The following ROBO2 variants were observed in gnomAD, a reference collection of about 807,000 sequenced individuals.
The protein encoded by ROBO2 is roundabout homolog 2.
A neutral mutation model predicts 160.8 loss-of-function variants in ROBO2; 53 were observed. That is an observed-to-expected ratio of 0.33 (90% CI 0.26 to 0.41). The LOEUF (loss-of-function observed/expected upper bound fraction) is 0.41. ROBO2 is among the 10% of genes least tolerant of loss of function. ROBO2 has a pLI of 1.00. For synonymous variants in ROBO2, 664 were observed against 611.7 expected, an observed-to-expected ratio of 1.09 and a Z score of -1.26; for missense variants, 1,577 against 1,722.4, an observed-to-expected ratio of 0.92 and a Z score of 1.49.
At chr3:76,689,802 C>G (rs1288591626) in intron 2 of ROBO2, among the ~76,000 whole-genome samples, 1 of 152,068 alleles carries the variant, frequency 6.6e-6, no homozygotes, top group South Asian at 2.1e-4. Flanking sequence ...TCCTCTTTGC[C>G]CATCCAGTTC....
chr3:75,933,033 A>C (rs112708887), intron 1 of ROBO2, among the ~76,000 whole-genome samples: 24 of 152,342 alleles, frequency 1.6e-4, no homozygotes, highest in African/African-American at 4.1e-4. Flanking sequence ...GTTTAGACTG[A>C]GATAAGCCCT....
At chr3:76,719,799 G>A (rs1004921732) in intron 2 of ROBO2, among the ~76,000 whole-genome samples, 50 of 151,342 alleles carry the variant, frequency 3.3e-4, no homozygotes, top group African/African-American at 1.2e-3. Flanking sequence ...CACGAGAATC[G>A]CTTGAACCTG....
intron 2 of ROBO2, among the ~76,000 whole-genome samples, chr3:77,261,221 T>C (rs1210798957): frequency 1.3e-5 from 2 of 152,092 alleles, no homozygotes; most frequent in South Asian, 2.1e-4. Context: ...GTGACTCTTA[T>C]GCATGCCTGG....
At chr3:76,508,476 C>T (rs1444445548) in intron 2 of ROBO2, among the ~76,000 whole-genome samples, 2 of 152,160 alleles carry the variant, frequency 1.3e-5, no homozygotes, top group Middle Eastern at 3.4e-3. Flanking sequence ...CTCCTTTCCT[C>T]GTTCTTGTGA....
intron 14 of ROBO2, among the ~76,000 whole-genome samples, chr3:77,577,080 C>T (rs1448970423): frequency 6.6e-6 from 1 of 151,988 alleles, no homozygotes; most frequent in Non-Finnish European, 1.5e-5. Context: ...CAGACATACA[C>T]CGGCTCAAAT....
intron 2 of ROBO2, among the ~76,000 whole-genome samples, chr3:76,345,593 A>G (rs1298284324): frequency 6.6e-6 from 1 of 151,348 alleles, no homozygotes; most frequent in Non-Finnish European, 1.5e-5. Flanking sequence ...GATTTTTTTA[A>G]CCATAAAATA....
chr3:76,800,300 A>C (rs2064100417), intron 2 of ROBO2, among the ~76,000 whole-genome samples: 1 of 152,220 alleles, frequency 6.6e-6, no homozygotes, highest in African/African-American at 2.4e-5. Context: ...TCTTCAAGAC[A>C]TTGGCCTAGG....
At chr3:76,315,281 C>G (rs919631863) in intron 2 of ROBO2, among the ~76,000 whole-genome samples, 1 of 152,170 alleles carries the variant, frequency 6.6e-6, no homozygotes. Context: ...GTGATCAAAA[C>G]TTTTAATAAC....
chr3:77,411,801 G>T (rs1166278523), intron 2 of ROBO2, among the ~76,000 whole-genome samples: 1 of 152,176 alleles, frequency 6.6e-6, no homozygotes, highest in African/African-American at 2.4e-5. Flanking sequence ...AAAGCTAAAG[G>T]AGACAGGTAT....
chr3:77,270,055 TTA>T (rs1389533604), intron 2 of ROBO2, among the ~76,000 whole-genome samples: 1 of 152,206 alleles, frequency 6.6e-6, no homozygotes, highest in Non-Finnish European at 1.5e-5. Flanking sequence ...AAGAGAATAG[TTA>T]CCTTCATTTA....
chr3:77,386,903 G>A (rs369547578), intron 2 of ROBO2, among the ~76,000 whole-genome samples: 9 of 151,896 alleles, frequency 5.9e-5, no homozygotes, highest in Admixed American at 3.3e-4. Context: ...GCGCCCAGCC[G>A]ATAATTTTTT....
chr3:77,529,745 A>G (rs768662358), intron 6 of ROBO2, among the ~76,000 whole-genome samples: 3 of 151,910 alleles, frequency 2.0e-5, no homozygotes, highest in Non-Finnish European at 2.9e-5. Flanking sequence ...TTCTTGACAC[A>G]TTGTACTTTA....
intron 2 of ROBO2, among the ~76,000 whole-genome samples, chr3:77,276,007 A>C (rs907963377): frequency 4.6e-5 from 7 of 152,128 alleles, no homozygotes; most frequent in Admixed American, 2.0e-4. Context: ...AAAGTATGCT[A>C]TGAGTTTAGC....
intron 2 of ROBO2, among the ~76,000 whole-genome samples, chr3:77,140,213 G>T (rs548929014): frequency 4.6e-5 from 7 of 152,150 alleles, no homozygotes; most frequent in Non-Finnish European, 7.3e-5. Flanking sequence ...TTATTGTGGC[G>T]ATTGTTCTTA....
At chr3:76,729,639 C>CTCTCT (rs893515777) in intron 2 of ROBO2, among the ~76,000 whole-genome samples, 2 of 136,102 alleles carry the variant, frequency 1.5e-5, no homozygotes, top group African/African-American at 5.6e-5. Context: ...CTCTCTCTCT[C>CTCTCT]TTTTTTTTTT....
At chr3:76,408,938 T>C (rs1453093027) in intron 2 of ROBO2, among the ~76,000 whole-genome samples, 7 of 151,842 alleles carry the variant, frequency 4.6e-5, no homozygotes, top group Non-Finnish European at 1.0e-4. Context: ...AGAGTAACAT[T>C]TGGGAGATTG....
chr3:77,383,935 G>C (rs1417536575), intron 2 of ROBO2, among the ~76,000 whole-genome samples: 1 of 152,086 alleles, frequency 6.6e-6, no homozygotes, highest in African/African-American at 2.4e-5. Flanking sequence ...TTTAAGGAGG[G>C]AAGAGATTGT....
chr3:77,470,962 C>T (rs991197883), intron 2 of ROBO2, among the ~76,000 whole-genome samples: 2 of 152,060 alleles, frequency 1.3e-5, no homozygotes, highest in African/African-American at 2.4e-5. Context: ...TGCTGTTGGC[C>T]GTACCTTTCA....
intron 2 of ROBO2, among the ~76,000 whole-genome samples, chr3:76,032,261 G>C (rs1017872948): frequency 6.6e-5 from 10 of 151,680 alleles, no homozygotes; most frequent in Admixed American, 5.3e-4. Context: ...TTCTTTATTG[G>C]TCTTGCTAGT....
Sources: gnomAD v4.1 joint callset for allele counts (sites outside exome capture counted in the v4.1 genomes callset) on GRCh38, gnomAD v4.1.1 for gene constraint, MANE v1.5 for transcripts, NCBI Gene and HGNC (gene_info 2026-07-23, HGNC 2026-07-21) for gene names.